The following EPCAM variants were observed in gnomAD, a reference collection of about 807,000 sequenced individuals.
EPCAM encodes epithelial cell adhesion molecule.
Under a neutral mutation model 40.0 loss-of-function variants are expected in EPCAM, and 39 were observed. That is an observed-to-expected ratio of 0.98 (90% CI 0.76 to 1.27). EPCAM has a LOEUF of 1.27. EPCAM is among the 50% of genes most tolerant of loss of function. The pLI, the probability that EPCAM is intolerant of heterozygous loss-of-function variation, is 0.00. For synonymous variants in EPCAM, 168 were observed against 132.3 expected (o/e 1.27, Z -1.85); for missense variants, 503 against 381.2 (o/e 1.32, Z -2.66).
At chr2:47,383,856 C>T (rs188537674) in intron 7 of EPCAM, among the ~76,000 whole-genome samples, 18 of 151,398 alleles carry the variant, frequency 1.2e-4, no homozygotes, top group African/African-American at 3.4e-4. Flanking sequence ...AGGCTGATCT[C>T]GAAATCCTGA....
At chr2:47,373,617 A>C (rs749795229) in intron 2 of EPCAM, 47 bp downstream of exon 2, 1 of 1,492,348 alleles carries the variant, frequency 6.7e-7, no homozygotes, top group Non-Finnish European at 9.3e-7. Context: ...TTGACTTAAT[A>C]CTTCTTTAAT....
rs1421 is a variant in EPCAM at position 47,386,731 on chromosome 2, T to C, written c.*118T>C. On this transcript the variant is annotated 3_prime_UTR_variant, in exon 9 of 9. Coordinates refer to ENST00000263735, the MANE Select transcript of EPCAM (RefSeq NM_002354.3). ...ATGAGTTTGTTAGTTTAACATCATA[T>C]ATTTGTAATAGTGAAACCTGTACTC... 0.12 allele frequency: 96,555 copies of C among 794,348 alleles called. 6,859 individuals carry two copies. The highest frequency in any genetic ancestry group is 0.16 in the East Asian group (6,520 of 40,222). 49.2% of individuals were successfully genotyped at this position (794,348 alleles called of 1,614,324 possible).
intron 8 of EPCAM, among the ~76,000 whole-genome samples, chr2:47,385,648 TGTTA>T (rs1233104940): frequency 6.6e-6 from 1 of 152,226 alleles, no homozygotes; most frequent in East Asian, 1.9e-4. Context: ...AGTGTCAGAT[TGTTA>T]GTGTGTTTCA....
At chr2:47,373,176 G>A (rs1008742732) in intron 1 of EPCAM, among the ~76,000 whole-genome samples, 10 of 132,194 alleles carry the variant, frequency 7.6e-5, no homozygotes, top group Admixed American at 2.7e-4. Context: ...CTGCATTCCA[G>A]CCTGGGCCAC....
At chr2:47,379,102 T>C (rs952433642) in intron 6 of EPCAM, 48 bp downstream of exon 6, 6 of 973,216 alleles carry the variant, frequency 6.2e-6, no homozygotes, top group Non-Finnish European at 1.0e-5. Context: ...TAGTCTATCA[T>C]GCCTCAATGA....
At chr2:47,372,008 AT>A (rs1217053492) in intron 1 of EPCAM, among the ~76,000 whole-genome samples, 1 of 152,184 alleles carries the variant, frequency 6.6e-6, no homozygotes, top group Non-Finnish European at 1.5e-5. Context: ...GACAAAAGGA[AT>A]TAGATAGTCT....
Position 47,375,509 on chromosome 2 carries a change from T to C in EPCAM, c.491+210T>C, listed in dbSNP as rs151087358. Among the ~76,000 whole-genome samples, 130 of 152,292 alleles carry C rather than the reference T, an allele frequency of 8.5e-4. 1 individual carries two copies. The highest frequency in any genetic ancestry group is 3.0e-3 in the African/African-American group (123 of 41,574). ...CATTTTGGCACATTTGCTTTTTATA[T>C]GTGTATGTGTGGATGAATATGTGTG... is the stretch of plus-strand genomic sequence containing the variant. On this transcript the variant is annotated intron_variant, in intron 4 of 8. Coordinates refer to ENST00000263735, the MANE Select transcript of EPCAM (RefSeq NM_002354.3).
At chr2:47,384,688 T>G (rs1484107593) in intron 7 of EPCAM, among the ~76,000 whole-genome samples, 1 of 151,402 alleles carries the variant, frequency 6.6e-6, no homozygotes, top group East Asian at 1.9e-4. Flanking sequence ...AAAGTACCGG[T>G]GAGCCACCAC....
At position 47,379,783 on chromosome 2, in the gene EPCAM, C is replaced by G. The variant is rs776888900; in HGVS notation, c.672C>G (p.Ser224=). The G allele has an allele frequency of 6.2e-7, 1 of 1,613,200 alleles. No individual in the cohort carries two copies. Among genetic ancestry groups the G allele is most frequent in the Admixed American group, 1.7e-5 (1 of 59,984 alleles). ...TTTCAATACAGGTTAAAGGTGAATC[C>G]TTGTTTCATTCTAAGAAAATGGACC... ...YYFEKDVKGE[S]LFHSKKMDLT... Residue 224 remains serine (S), a synonymous_variant, in exon 7 of 9, where the codon TCC becomes TCG. Coordinates refer to ENST00000263735, the MANE Select transcript of EPCAM (RefSeq NM_002354.3).
At chr2:47,378,420 G>A (rs1335218915) in intron 5 of EPCAM, among the ~76,000 whole-genome samples, 1 of 150,356 alleles carries the variant, frequency 6.7e-6, no homozygotes, top group Non-Finnish European at 1.5e-5. Flanking sequence ...TCCTGCCTCA[G>A]CTTCCCTGGT....
intron 8 of EPCAM, 73 bp downstream of exon 8, chr2:47,385,283 C>T: frequency 8.3e-7 from 1 of 1,205,808 alleles, no homozygotes; most frequent in Admixed American, 1.7e-5. Context: ...CCTTCCTACA[C>T]ACTGATGCAT....
At chr2:47,371,868 C>G (rs755879256) in intron 1 of EPCAM, among the ~76,000 whole-genome samples, 8 of 152,132 alleles carry the variant, frequency 5.3e-5, no homozygotes, top group Admixed American at 6.6e-5. Flanking sequence ...TTGAAATCAA[C>G]TTAGGGTACT....
At chr2:47,376,443 A>G (rs778843747) in intron 4 of EPCAM, among the ~76,000 whole-genome samples, 1 of 151,866 alleles carries the variant, frequency 6.6e-6, no homozygotes, top group Non-Finnish European at 1.5e-5. Flanking sequence ...TATTTTTAGT[A>G]GACACGGGGT....
intron 5 of EPCAM, chr2:47,377,632 C>T (rs1671461626): frequency 7.0e-6 from 2 of 287,728 alleles, no homozygotes; most frequent in Admixed American, 5.0e-5. Flanking sequence ...ATCCCTAAAA[C>T]ATTTGAGTTT....
intron 7 of EPCAM, chr2:47,383,345 C>G (rs1573403839): frequency 6.5e-6 from 1 of 153,004 alleles, no homozygotes; most frequent in South Asian, 2.1e-4. Flanking sequence ...TCTGTGTTGC[C>G]CTGGCTGGAG....
At chr2:47,377,829 C>T (rs192822015) in intron 5 of EPCAM, 43 of 437,784 alleles carry the variant, frequency 9.8e-5, no homozygotes, top group African/African-American at 8.9e-4. Flanking sequence ...ACTCTTTAAA[C>T]TCTGGTTTAA....
chr2:47,385,320 C>G (rs1332180132), intron 8 of EPCAM, 110 bp downstream of exon 8: 1 of 909,224 alleles, frequency 1.1e-6, no homozygotes, highest in African/African-American at 1.6e-5. Context: ...TCCCTTTATA[C>G]TGTTGTCTTT....
chr2:47,380,016 AG>A, intron 7 of EPCAM, 47 bp downstream of exon 7: 1 of 1,562,648 alleles, frequency 6.4e-7, no homozygotes, highest in South Asian at 1.2e-5. Flanking sequence ...TATTTTTTCA[AG>A]AAAAAGTAAT....
chr2:47,371,725 A>G (rs751525087), intron 1 of EPCAM, among the ~76,000 whole-genome samples: 8 of 152,214 alleles, frequency 5.3e-5, no homozygotes, highest in Non-Finnish European at 1.2e-4. Context: ...AAACAAGTAC[A>G]GGATGGGGCT....
Sources: allele counts gnomAD v4.1 joint callset (sites outside exome capture counted in the v4.1 genomes callset), GRCh38; gene constraint gnomAD v4.1.1; transcripts MANE v1.5; gene names NCBI Gene and HGNC (gene_info 2026-07-23, HGNC 2026-07-21).